The following HOMER1 variants were observed in gnomAD, a reference collection of about 807,000 sequenced individuals.
The protein encoded by HOMER1 is homer protein homolog 1.
HOMER1 carries 3 observed loss-of-function variants against 48.9 expected under a neutral mutation model. The ratio of observed to expected loss-of-function variants is 0.06; its 90% confidence interval spans 0.03 to 0.16. The LOEUF (loss-of-function observed/expected upper bound fraction) is 0.16. Ranked by LOEUF, HOMER1 falls within the 10% of genes least tolerant of loss-of-function variation. The pLI, the probability that HOMER1 is intolerant of heterozygous loss-of-function variation, is 1.00. For synonymous variants in HOMER1, 134 were observed against 146.4 expected, an observed-to-expected ratio of 0.92 and a Z score of 0.61; for missense variants, 247 against 411.4, an observed-to-expected ratio of 0.60 and a Z score of 3.46.
At chr5:79,447,777 A>G (rs1195582756) in intron 3 of HOMER1, among the ~76,000 whole-genome samples, 2 of 152,198 alleles carry the variant, frequency 1.3e-5, no homozygotes, top group Non-Finnish European at 2.9e-5. Flanking sequence ...TGAAATGCTA[A>G]TTCTTAGGAA....
intron 1 of HOMER1, among the ~76,000 whole-genome samples, chr5:79,461,952 A>G (rs918663993): frequency 1.3e-5 from 2 of 152,174 alleles, no homozygotes; most frequent in African/African-American, 4.8e-5. Flanking sequence ...TAATCCCAGC[A>G]CTTTGGGAGG....
intron 5 of HOMER1, among the ~76,000 whole-genome samples, chr5:79,428,145 A>T (rs1035097911): frequency 6.6e-6 from 1 of 152,222 alleles, no homozygotes; most frequent in African/African-American, 2.4e-5. Flanking sequence ...AGAAATAAAC[A>T]TAAGAAAGCA....
chr5:79,479,494 T>C (rs573764101), intron 1 of HOMER1, among the ~76,000 whole-genome samples: 23 of 152,132 alleles, frequency 1.5e-4, no homozygotes, highest in Non-Finnish European at 2.5e-4. Flanking sequence ...GAAGATTCCA[T>C]GTGCTGGCTC....
chr5:79,493,281 G>A (rs748895689), intron 1 of HOMER1, among the ~76,000 whole-genome samples: 2 of 152,094 alleles, frequency 1.3e-5, no homozygotes, highest in African/African-American at 2.4e-5. Flanking sequence ...AGATTTAGAC[G>A]GCTTCAAGAA....
At chr5:79,465,265 T>C (rs931198307) in intron 1 of HOMER1, among the ~76,000 whole-genome samples, 3 of 151,906 alleles carry the variant, frequency 2.0e-5, no homozygotes, top group Admixed American at 2.0e-4. Flanking sequence ...AGCCCAGGAG[T>C]TGGAGGCTGC....
intron 8 of HOMER1, among the ~76,000 whole-genome samples, chr5:79,393,432 A>T (rs944581903): frequency 6.6e-6 from 1 of 152,232 alleles, no homozygotes; most frequent in Non-Finnish European, 1.5e-5. Context: ...GATATTCCAC[A>T]TGCTCTAAGG....
At chr5:79,491,630 C>T (rs562333639) in intron 1 of HOMER1, among the ~76,000 whole-genome samples, 19 of 152,060 alleles carry the variant, frequency 1.2e-4, no homozygotes, top group African/African-American at 3.9e-4. Flanking sequence ...GTTTTCCTTC[C>T]GATCTCATTT....
intron 3 of HOMER1, 87 bp downstream of exon 3, chr5:79,450,903 A>C: frequency 7.7e-7 from 1 of 1,298,934 alleles, no homozygotes; most frequent in Non-Finnish European, 1.1e-6. Flanking sequence ...TTTCTCCTAT[A>C]TTTTATACTC....
At chr5:79,445,863 G>A (rs1221276384) in intron 4 of HOMER1, among the ~76,000 whole-genome samples, 3 of 152,336 alleles carry the variant, frequency 2.0e-5, no homozygotes, top group Admixed American at 6.5e-5. Flanking sequence ...GCAGCGACCC[G>A]AGATTGTGCC....
chr5:79,404,973 T>C (rs2112224939), intron 5 of HOMER1, among the ~76,000 whole-genome samples: 1 of 151,992 alleles, frequency 6.6e-6, no homozygotes, highest in African/African-American at 2.4e-5. Flanking sequence ...CCTTCCAAAG[T>C]GCTGGGATTA....
At chr5:79,393,949 T>C (rs957087659) in intron 8 of HOMER1, among the ~76,000 whole-genome samples, 4 of 152,162 alleles carry the variant, frequency 2.6e-5, no homozygotes, top group Admixed American at 2.6e-4. Flanking sequence ...GACAAGGAAA[T>C]GCCAGTTACC....
At chr5:79,438,897 T>C (rs958959468) in intron 5 of HOMER1, 113 bp downstream of exon 5, 1 of 674,012 alleles carries the variant, frequency 1.5e-6, no homozygotes, top group Non-Finnish European at 2.3e-6. Flanking sequence ...AAAAAAAAAG[T>C]CAAAGTCAAC....
intron 1 of HOMER1, among the ~76,000 whole-genome samples, chr5:79,506,073 T>C (rs915565771): frequency 9.2e-5 from 14 of 152,014 alleles, no homozygotes; most frequent in African/African-American, 3.4e-4. Flanking sequence ...TAAATTGTAC[T>C]TACCAGAGAA....
At chr5:79,463,179 G>A (rs1481032260) in intron 1 of HOMER1, among the ~76,000 whole-genome samples, 1 of 152,170 alleles carries the variant, frequency 6.6e-6, no homozygotes, top group East Asian at 1.9e-4. Context: ...ACAAACCTCA[G>A]ATACTCTACC....
At chr5:79,465,868 C>T (rs112820958) in intron 1 of HOMER1, among the ~76,000 whole-genome samples, 10,428 of 152,034 alleles carry the variant, frequency 0.069, 410 homozygotes, top group Middle Eastern at 0.11. Context: ...GCTGGGATTA[C>T]GGGCGTGAGC....
chr5:79,379,089 TATATATATATATATATATATATATAA>T (rs1459142468), intron 8 of HOMER1, among the ~76,000 whole-genome samples: 4 of 55,650 alleles, frequency 7.2e-5, no homozygotes, highest in African/African-American at 3.2e-4. Context: ...CATATATATA[TATATATATATATATATATATATATAA>T]AATATATAAA....
chr5:79,484,632 A>T (rs1433955584), intron 1 of HOMER1, among the ~76,000 whole-genome samples: 1 of 152,244 alleles, frequency 6.6e-6, no homozygotes, highest in African/African-American at 2.4e-5. Context: ...GATGCTTATA[A>T]GAAAACCATT....
At chr5:79,387,257 G>T (rs1233282681) in intron 8 of HOMER1, among the ~76,000 whole-genome samples, 1 of 151,852 alleles carries the variant, frequency 6.6e-6, no homozygotes, top group African/African-American at 2.4e-5. Flanking sequence ...CTCCTGAGTA[G>T]CTAGGACTAT....
At chr5:79,481,782 T>C (rs116618682) in intron 1 of HOMER1, among the ~76,000 whole-genome samples, 2 of 152,270 alleles carry the variant, frequency 1.3e-5, no homozygotes, top group African/African-American at 4.8e-5. Context: ...CATAAAGGCA[T>C]CTCCTCAGTA....
Sources: allele counts gnomAD v4.1 joint callset (sites outside exome capture counted in the v4.1 genomes callset), GRCh38; gene constraint gnomAD v4.1.1; transcripts MANE v1.5; gene names NCBI Gene and HGNC (gene_info 2026-07-23, HGNC 2026-07-21).